The following COL18A1 variants were observed in gnomAD, a reference collection of about 807,000 sequenced individuals.
The protein encoded by COL18A1 is collagen alpha-1(XVIII) chain.
A neutral mutation model predicts 168.0 loss-of-function variants in COL18A1; 133 were observed. The observed-to-expected ratio is 0.79, with a 90% confidence interval of 0.69 to 0.91. The LOEUF is 0.91. Ranked by LOEUF, COL18A1 falls within the 40% of genes least tolerant of loss-of-function variation. The probability of loss-of-function intolerance (pLI) is 0.00; values close to 1 mark genes in which losing one functional copy is unlikely to be tolerated. For missense variants in COL18A1, 2,126 were observed against 1,925.4 expected (o/e 1.10, Z -1.95); for synonymous variants, 949 against 809.0 (o/e 1.17, Z -2.94).
At chr21:45,496,941 T>C (rs1471381205) in intron 30 of COL18A1, 109 bp from the exon 31 acceptor site, 1 of 764,878 alleles carries the variant, frequency 1.3e-6, no homozygotes, top group African/African-American at 1.7e-5. Flanking sequence ...GAGGCTGCTA[T>C]GTGGCCTCAT....
In COL18A1 at chr21:45,498,977, A is replaced by ACGAGGGCTC. The variant is rs2036643134; in HGVS notation, c.2683+1326_2683+1334dup. Among the ~76,000 whole-genome samples, 1 of 152,294 alleles carries ACGAGGGCTC rather than the reference A, an allele frequency of 6.6e-6. No homozygotes were observed. Among genetic ancestry groups the ACGAGGGCTC allele is most frequent in the Admixed American group, 6.5e-5 (1 of 15,294 alleles). Reference sequence around the variant, plus strand: ...GGATTGCTTGTCCCTGGGAGCCAGAACGAGGGCTCCGAGGGCTCTAGAGGG... The same window carrying ACGAGGGCTC: ...GGATTGCTTGTCCCTGGGAGCCAGAACGAGGGCTCCGAGGGCTCCGAGGGCTCTAGAGGG... On this transcript the variant is annotated intron_variant, in intron 32 of 41. Transcript: ENST00000651438. The surrounding 1 kb of genome is among the most constrained non-coding windows in gnomAD (Gnocchi z 4.5).
chr21:45,419,740 A>T (rs936036402), intron 2 of COL18A1: 1 of 152,210 alleles, frequency 6.6e-6, no homozygotes, highest in Non-Finnish European at 1.5e-5. Context: ...TTTATTTTTT[A>T]AAATTACTGA....
rs1316470628 is a variant in COL18A1, at chr21:45,463,079, G to A, written c.107-5163G>A. Among the ~76,000 whole-genome samples, 1 of 152,162 alleles carries A rather than the reference G, an allele frequency of 6.6e-6. No individual in the cohort carries two copies. Among genetic ancestry groups the A allele is most frequent in the Non-Finnish European group, 1.5e-5 (1 of 68,034 alleles). On this transcript the variant is annotated intron_variant, in intron 2 of 41. Transcript: ENST00000651438. The surrounding 1 kb of genome is among the most constrained non-coding windows in gnomAD (Gnocchi z 4.0). ...CGTTCTTTCATGTTTGGCTCCCAAA[G>A]GAGGAATAAGATAAAAATGAGGGAG...
rs975761135 is a variant in COL18A1, at chr21:45,480,741, C to T, written c.1494C>T (p.Val498=). The T allele has an allele frequency of 5.0e-6, 8 of 1,610,674 alleles. No individual in the cohort carries two copies. The highest frequency in any genetic ancestry group is 6.8e-6 in the Non-Finnish European group (8 of 1,179,920). ...CTGGACCTCCCGGACCCCCCGGTGTCCCAGGCCTGCCCGGCGAGCCAGGCC... is the reference window on the plus strand; with the variant it reads ...CTGGACCTCCCGGACCCCCCGGTGTTCCAGGCCTGCCCGGCGAGCCAGGCC... ...GFPGPPGPPG[V]PGLPGEPGRF... is the part of the protein sequence containing the mutation. Residue 498 remains valine, a synonymous_variant, in exon 13 of 42, where the codon GTC becomes GTT. Transcript: ENST00000651438.
chr21:45,504,762 C>T (rs965110474), intron 34 of COL18A1, among the ~76,000 whole-genome samples: 2 of 152,146 alleles, frequency 1.3e-5, no homozygotes, highest in Non-Finnish European at 1.5e-5. Flanking sequence ...CCCCGTCCCC[C>T]TGCAGCGTTC....
chr21:45,494,102 T>G, intron 26 of COL18A1: 1 of 309,756 alleles, frequency 3.2e-6, no homozygotes, highest in Non-Finnish European at 6.2e-6. Context: ...CTCTCCCACT[T>G]TCAGAGGGAG....
chr21:45,478,157 C>T, intron 8 of COL18A1, 170 bp from the exon 9 acceptor site: 2 of 889,352 alleles, frequency 2.2e-6, no homozygotes, highest in Non-Finnish European at 3.7e-6. Flanking sequence ...GCTGCTCAGA[C>T]ACAGCCCTTG....
At chr21:45,510,526 G>A (rs1182958337) in intron 40 of COL18A1, among the ~76,000 whole-genome samples, 16 of 132,838 alleles carry the variant, frequency 1.2e-4, no homozygotes, top group South Asian at 2.6e-4. Context: ...CCGCTCCCCC[G>A]GCAGTGCCCC....
intron 2 of COL18A1, chr21:45,455,690 G>T (rs1304656543): frequency 6.2e-7 from 1 of 1,614,014 alleles, no homozygotes; most frequent in East Asian, 2.2e-5. Flanking sequence ...GCCCCTGCCT[G>T]TGCAGCCCAC....
chr21:45,474,269 GTC>G (rs1167081173), intron 4 of COL18A1, among the ~76,000 whole-genome samples: 27 of 152,032 alleles, frequency 1.8e-4, no homozygotes, highest in African/African-American at 6.3e-4. Context: ...GTGTGTCTGT[GTC>G]TGTGTGGTGT....
At chr21:45,505,703 G>C (rs918212594) in intron 36 of COL18A1, 135 bp from the exon 37 acceptor site, 2 of 758,602 alleles carry the variant, frequency 2.6e-6, no homozygotes, top group Admixed American at 4.2e-5. Context: ...TGCTCATGGG[G>C]GCAGCCGCCT....
chr21:45,452,478 TGTGTTTCTG>T (rs748679902), intron 2 of COL18A1, among the ~76,000 whole-genome samples: 1 of 150,934 alleles, frequency 6.6e-6, no homozygotes, highest in Non-Finnish European at 1.5e-5. Context: ...TATGTACGTG[TGTGTTTCTG>T]TATGCATGTG....
At chr21:45,505,704 G>C in intron 36 of COL18A1, 134 bp from the exon 37 acceptor site, 1 of 759,578 alleles carries the variant, frequency 1.3e-6, no homozygotes, top group Admixed American at 2.1e-5. Context: ...GCTCATGGGG[G>C]CAGCCGCCTC....
chr21:45,421,564 G>C (rs560357315), intron 2 of COL18A1: 2 of 534,562 alleles, frequency 3.7e-6, no homozygotes, highest in Admixed American at 1.9e-5. Flanking sequence ...GGAAAACCTC[G>C]GCCTTCCATT....
rs1041713692 is a variant in COL18A1, at chr21:45,477,957, G to A, written c.1213G>A (p.Gly405Ser). The A allele has an allele frequency of 5.9e-6, 9 of 1,519,390 alleles. No homozygotes were observed. Among genetic ancestry groups the A allele is most frequent in the Middle Eastern group, 1.7e-4 (1 of 5,880 alleles). 94.1% of individuals were successfully genotyped at this position (1,519,390 alleles called of 1,614,324 possible). A position where few individuals can be genotyped will look rare whatever the true frequency, so the allele number is the denominator to read the frequency against. Residue 405 changes from glycine to serine, a missense_variant, in exon 8 of 42, where the codon GGC becomes AGC. By Grantham distance (56) the Gly-to-Ser change is moderately conservative (BLOSUM62 0). Transcript: ENST00000651438. Reference protein sequence around the residue: ...PGRDGTPGRDGEPGDPGEDGK... With the variant: ...PGRDGTPGRDSEPGDPGEDGK... Reference sequence around the variant, plus strand: ...GAGGGACGGCACCCCTGGAAGGGACGGCGAGCCGGTGAGTCCTCACGTCCC... The same window carrying A: ...GAGGGACGGCACCCCTGGAAGGGACAGCGAGCCGGTGAGTCCTCACGTCCC...
chr21:45,480,803 C>T lies in COL18A1; in HGVS notation c.1556C>T (p.Ala519Val). 6.2e-7 allele frequency: 1 copy of T among 1,611,914 alleles called. No homozygotes were observed. The highest frequency in any genetic ancestry group is 8.5e-7 in the Non-Finnish European group (1 of 1,179,766). Reference sequence around the variant, plus strand: ...AACAGCTCCGACGTCCCAGGACCCGCCGGCCTTCCTGGTGTGCCTGGGCGC... The same window carrying T: ...AACAGCTCCGACGTCCCAGGACCCGTCGGCCTTCCTGGTGTGCCTGGGCGC... ...GVNSSDVPGP[A>V]GLPGVPGREG... is the part of the protein sequence containing the mutation. The change falls in exon 13 of 42, where the codon GCC becomes GTC. Residue 519 changes from alanine (A) to valine (V), a missense_variant. Coordinates refer to ENST00000651438, the MANE Select transcript of COL18A1 (RefSeq NM_001379500.1).
Position 45,505,385 on chromosome 21 carries a change from C to T in COL18A1, c.3041C>T (p.Pro1014Leu), listed in dbSNP as rs1376035451. ...QTISVPGPPG[P>L]PGPPGPPGTM... ...ATCAGCGTTCCCGGCCCTCCGGGCCCCCCTGGGCCCCCTGGGCCCCCTGGA... is the reference window on the plus strand; with the variant it reads ...ATCAGCGTTCCCGGCCCTCCGGGCCTCCCTGGGCCCCCTGGGCCCCCTGGA... The change falls in exon 36 of 42, where the codon CCC (proline) becomes CTC (leucine). Residue 1014 changes from proline to leucine, a missense_variant. By Grantham distance (98) the Pro-to-Leu change is moderately conservative (BLOSUM62 -3). Transcript: ENST00000651438. 6.4e-7 allele frequency: 1 copy of T among 1,566,916 alleles called. No individual in the cohort carries two copies. The highest frequency in any genetic ancestry group is 1.4e-5 in the African/African-American group (1 of 73,954).
At chr21:45,406,932 G>A (rs887954317) in intron 2 of COL18A1, among the ~76,000 whole-genome samples, 3 of 152,270 alleles carry the variant, frequency 2.0e-5, no homozygotes, top group African/African-American at 7.2e-5. Context: ...CAAATGGGCT[G>A]TGCGTTCCTC....
intron 2 of COL18A1, among the ~76,000 whole-genome samples, chr21:45,459,114 G>A (rs2034954877): frequency 6.6e-6 from 1 of 152,232 alleles, no homozygotes; most frequent in African/African-American, 2.4e-5. Context: ...CTCTGGCCAG[G>A]GGTGGGCCTC....
Sources: allele counts gnomAD v4.1 joint callset (sites outside exome capture counted in the v4.1 genomes callset), GRCh38; gene constraint gnomAD v4.1.1; non-coding constraint Gnocchi (gnomAD v3.1); transcripts MANE v1.5; gene names NCBI Gene and HGNC (gene_info 2026-07-23, HGNC 2026-07-21).